The following AOX1 variants were observed in gnomAD, a reference collection of about 807,000 sequenced individuals.
AOX1 encodes aldehyde oxidase.
A neutral mutation model predicts 169.5 loss-of-function variants in AOX1; 153 were observed. The observed-to-expected ratio is 0.90, with a 90% confidence interval of 0.79 to 1.03. The LOEUF (loss-of-function observed/expected upper bound fraction) is 1.03, where lower values mean the gene tolerates loss of function less well. Ranked by LOEUF, AOX1 falls within the 50% of genes least tolerant of loss-of-function variation. The pLI, the probability that AOX1 is intolerant of heterozygous loss-of-function variation, is 0.00. For synonymous variants in AOX1, 562 were observed against 581.9 expected (o/e 0.97, Z 0.49); for missense variants, 1,656 against 1,663.9 (o/e 1.00, Z 0.08).
At chr2:200,643,744 G>A (rs2035400764) in intron 25 of AOX1, among the ~76,000 whole-genome samples, 1 of 152,050 alleles carries the variant, frequency 6.6e-6, no homozygotes, top group Non-Finnish European at 1.5e-5. Context: ...GTTTGATTAT[G>A]GCCATTCTTG....
Position 200,669,570 on chromosome 2 carries a change from T to A in AOX1, c.3799-5T>A. On this transcript the variant is annotated splice_polypyrimidine_tract_variant and splice_region_variant and intron_variant, in intron 33 of 34. Transcript: ENST00000374700. ...TATAATCTAGTTGGCATGCTTCCTT[T>A]CAAGGGTCTGGGAGAGTCGGGGGTG... 4 of 1,613,884 alleles carry A rather than the reference T, an allele frequency of 2.5e-6. No homozygotes were observed. Among genetic ancestry groups the A allele is most frequent in the Non-Finnish European group, 3.4e-6 (4 of 1,179,912 alleles).
intron 14 of AOX1, 69 bp from the exon 15 acceptor site, chr2:200,613,735 T>C: frequency 6.9e-7 from 1 of 1,443,410 alleles, no homozygotes; most frequent in Non-Finnish European, 9.4e-7. Context: ...CTATTTGTCT[T>C]ACCCATTAGA....
At chr2:200,634,603 G>C (rs1053835595) in intron 20 of AOX1, among the ~76,000 whole-genome samples, 188 bp from the exon 21 acceptor site, 1 of 152,162 alleles carries the variant, frequency 6.6e-6, no homozygotes, top group Non-Finnish European at 1.5e-5. Flanking sequence ...AGACACAAAA[G>C]ATTCTCCTAT....
At chr2:200,669,309 G>A (rs947885045) in intron 33 of AOX1, among the ~76,000 whole-genome samples, 1 of 152,078 alleles carries the variant, frequency 6.6e-6, no homozygotes, top group African/African-American at 2.4e-5. Flanking sequence ...GCCAGGTGTG[G>A]CGGTGCATGT....
intron 7 of AOX1, 95 bp downstream of exon 7, chr2:200,603,451 A>G (rs1226831752): frequency 1.1e-6 from 1 of 906,784 alleles, no homozygotes; most frequent in Non-Finnish European, 1.7e-6. Flanking sequence ...CAAGTTGACT[A>G]ACTTGAGGTA....
downstream of AOX1, among the ~76,000 whole-genome samples, chr2:200,680,909 C>T (rs1182078156): frequency 6.6e-6 from 1 of 152,184 alleles, no homozygotes; most frequent in Non-Finnish European, 1.5e-5. Context: ...TAAAAATGCC[C>T]TAAAGTGAAG....
intron 25 of AOX1, among the ~76,000 whole-genome samples, chr2:200,643,903 G>A (rs1265123270): frequency 2.6e-5 from 4 of 152,078 alleles, no homozygotes; most frequent in African/African-American, 9.7e-5. Flanking sequence ...TTTTGATGGG[G>A]TCGTTTGTTT....
At position 200,668,599 on chromosome 2, in the gene AOX1, T is replaced by C. The variant is rs1356367085; in HGVS notation, c.3610-16T>C. Reference sequence around the variant, plus strand: ...TTTTCTCATACGTGGAAATTCTTTTTTTGTTCTTGCCTCAGATTGAAGGTG... The same window carrying C: ...TTTTCTCATACGTGGAAATTCTTTTCTTGTTCTTGCCTCAGATTGAAGGTG... On this transcript the variant is annotated splice_polypyrimidine_tract_variant and intron_variant, in intron 32 of 34. Transcript: ENST00000374700. 1 of 1,583,110 alleles carries C rather than the reference T, an allele frequency of 6.3e-7. No homozygotes were observed. The highest frequency in any genetic ancestry group is 1.9e-5 in the Admixed American group (1 of 53,810).
chr2:200,682,013 T>C (rs144999347), downstream of AOX1, among the ~76,000 whole-genome samples: 1 of 152,174 alleles, frequency 6.6e-6, no homozygotes, highest in Non-Finnish European at 1.5e-5. Context: ...CTCTTAGGAA[T>C]TGGGAAAAAA....
chr2:200,649,378 C>T (rs190289529), intron 25 of AOX1, among the ~76,000 whole-genome samples: 197 of 152,304 alleles, frequency 1.3e-3, no homozygotes, highest in Middle Eastern at 6.8e-3. Flanking sequence ...ATTTCAGCTT[C>T]TCCCGTGGGG....
intron 1 of AOX1, 47 bp from the exon 2 acceptor site, chr2:200,593,099 T>C: frequency 1.4e-6 from 2 of 1,425,490 alleles, no homozygotes; most frequent in Non-Finnish European, 2.0e-6. Flanking sequence ...CCAATGTGAA[T>C]TTCATATTAG....
At chr2:200,667,738 G>A (rs1413154248) in intron 32 of AOX1, among the ~76,000 whole-genome samples, 1 of 152,064 alleles carries the variant, frequency 6.6e-6, no homozygotes, top group Non-Finnish European at 1.5e-5. Flanking sequence ...GAGCAGAAGA[G>A]GGCTGGGGAC....
At chr2:200,635,620 C>T (rs2035213669) in intron 21 of AOX1, among the ~76,000 whole-genome samples, 1 of 152,144 alleles carries the variant, frequency 6.6e-6, no homozygotes, top group Non-Finnish European at 1.5e-5. Context: ...GATCAAATGA[C>T]ACCCATTCAT....
At chr2:200,648,859 G>T (rs1417561779) in intron 25 of AOX1, among the ~76,000 whole-genome samples, 1 of 152,020 alleles carries the variant, frequency 6.6e-6, no homozygotes, top group Admixed American at 6.6e-5. Flanking sequence ...CAGGTTGTTA[G>T]GGAAGTAGGG....
chr2:200,651,333 G>T, intron 26 of AOX1, 132 bp downstream of exon 26: 3 of 754,894 alleles, frequency 4.0e-6, no homozygotes, highest in Non-Finnish European at 6.6e-6. Flanking sequence ...TTTCACAAAA[G>T]CCACCAAAGT....
At chr2:200,662,440 G>A (rs1479641924) in intron 30 of AOX1, among the ~76,000 whole-genome samples, 1 of 152,218 alleles carries the variant, frequency 6.6e-6, no homozygotes, top group East Asian at 1.9e-4. Flanking sequence ...CATGGGACCT[G>A]ATCCTTCACA....
intron 18 of AOX1, 57 bp from the exon 19 acceptor site, chr2:200,623,804 A>G: frequency 6.2e-7 from 1 of 1,609,802 alleles, no homozygotes; most frequent in Non-Finnish European, 8.5e-7. Flanking sequence ...GAAAATGAAT[A>G]AAAGAGAGGA....
Position 200,591,508 on chromosome 2 carries a change from T to A in AOX1, c.46-1638T>A, listed in dbSNP as rs142751426. Among the ~76,000 whole-genome samples, 31 of 152,364 alleles carry A rather than the reference T, an allele frequency of 2.0e-4. No individual in the cohort carries two copies. The East Asian group carries it at 5.4e-3, about 27-fold the overall frequency. On this transcript the variant is annotated intron_variant, in intron 1 of 34. Transcript: ENST00000374700. ...TGAAAGTCCAACGCACCCCCTGGAC[T>A]GTCCAGTTCATCCGTGTGGCCTGAG...
chr2:200,622,661 T>C (rs2034910511), intron 18 of AOX1, among the ~76,000 whole-genome samples: 1 of 152,192 alleles, frequency 6.6e-6, no homozygotes, highest in Admixed American at 6.5e-5. Context: ...GGCTGCATGA[T>C]AGTACCTGCT....
Sources: allele counts gnomAD v4.1 joint callset (sites outside exome capture counted in the v4.1 genomes callset), GRCh38; gene constraint gnomAD v4.1.1; transcripts MANE v1.5; gene names NCBI Gene and HGNC (gene_info 2026-07-23, HGNC 2026-07-21).